TBX19: variants seen among roughly 807,000 people sequenced by gnomAD.
The protein encoded by TBX19 is T-box transcription factor 19.
In TBX19, 33 loss-of-function variants were observed where a neutral mutation model predicts 40.9. That is an observed-to-expected ratio of 0.81 (90% CI 0.61 to 1.08). TBX19 has a LOEUF of 1.08. Among genes scored for constraint, TBX19 ranks in the 50% least tolerant of loss-of-function variants. TBX19 has a pLI of 0.00. For synonymous variants in TBX19, 220 were observed against 225.0 expected (o/e 0.98, Z 0.20); for missense variants, 494 against 574.0 (o/e 0.86, Z 1.42).
chr1:168,312,868 G>A lies in TBX19; in HGVS notation c.1213G>A (p.Val405Met). The A allele has an allele frequency of 6.2e-7, 1 of 1,614,270 alleles. No homozygotes were observed. The highest frequency in any genetic ancestry group is 8.5e-7 in the Non-Finnish European group (1 of 1,180,052). ...CACCCAAGCACCCACTTCGGCTGGT[G>A]TGGAGGTTCTGGGGGAGCCCTCGCT... ...LSTQAPTSAG[V>M]EVLGEPSLTS... Residue 405 changes from valine to methionine, a missense_variant, in exon 8 of 8, where the codon GTG becomes ATG. Physicochemically the swap from Val to Met is conservative, Grantham distance 21. Coordinates refer to ENST00000367821, the MANE Select transcript of TBX19 (RefSeq NM_005149.3).
chr1:168,298,591 A>G (rs908419568), intron 4 of TBX19, among the ~76,000 whole-genome samples: 65 of 151,884 alleles, frequency 4.3e-4, no homozygotes, highest in South Asian at 4.2e-4. Context: ...TGCCATCTCT[A>G]TATCTTTTCT....
rs1186888164 is a variant in TBX19 at position 168,291,185 on chromosome 1, A to G, written c.229A>G (p.Ser77Gly). The G allele has an allele frequency of 6.2e-7, 1 of 1,614,154 alleles. No homozygotes were observed. The highest frequency in any genetic ancestry group is 8.5e-7 in the Non-Finnish European group (1 of 1,180,024). ...ACGGATGTTTCCAGTCCTAAAGATTAGTGTCACAGGGTTGGACCCCAATGC... is the reference window on the plus strand; with the variant it reads ...ACGGATGTTTCCAGTCCTAAAGATTGGTGTCACAGGGTTGGACCCCAATGC... The part of the protein sequence containing the change: ...GRRMFPVLKI[S>G]VTGLDPNAMY... Residue 77 changes from serine to glycine, a missense_variant, in exon 2 of 8, where the codon AGT becomes GGT. Coordinates refer to ENST00000367821, the MANE Select transcript of TBX19 (RefSeq NM_005149.3).
intron 1 of TBX19, among the ~76,000 whole-genome samples, chr1:168,283,644 T>C (rs184404719): frequency 1.6e-4 from 24 of 152,328 alleles, no homozygotes. Context: ...CTATAGACTC[T>C]TTGTGTCTCC....
At chr1:168,295,240 G>A (rs559839410) in intron 3 of TBX19, among the ~76,000 whole-genome samples, 8 of 151,952 alleles carry the variant, frequency 5.3e-5, no homozygotes, top group Non-Finnish European at 1.0e-4. Flanking sequence ...GCAGTGAGCC[G>A]AGATTGCGCC....
rs561329217 is a variant in TBX19 at position 168,303,251 on chromosome 1, C to T, written c.728-1757C>T. On this transcript the variant is annotated intron_variant, in intron 5 of 7. Coordinates refer to ENST00000367821, the MANE Select transcript of TBX19 (RefSeq NM_005149.3). ...GTTCCCCTTCCTGTGTCCATGTGCT[C>T]TCATTGTTCAATTCCCACCTATGAG... Among the ~76,000 whole-genome samples, 651 of 152,232 alleles carry T rather than the reference C, an allele frequency of 4.3e-3. 4 individuals are homozygous for T. The highest frequency in any genetic ancestry group is 0.015 in the African/African-American group (608 of 41,538).
At chr1:168,302,687 C>A (rs1277129834) in intron 5 of TBX19, among the ~76,000 whole-genome samples, 1 of 150,986 alleles carries the variant, frequency 6.6e-6, no homozygotes, top group East Asian at 2.0e-4. Context: ...GGAAAAAAAC[C>A]CCAAAACCAA....
In TBX19 at chr1:168,308,789, C is replaced by T. The variant is rs1236618193; in HGVS notation, c.964C>T (p.Pro322Ser). 1.9e-6 allele frequency: 3 copies of T among 1,613,966 alleles called. No homozygotes were observed. Among genetic ancestry groups the T allele is most frequent in the East Asian group, 2.2e-5 (1 of 44,876 alleles). Residue 322 changes from proline to serine, a missense_variant, in exon 7 of 8, where the codon CCT (proline) becomes TCT (serine). By Grantham distance (74) the Pro-to-Ser change is moderately conservative (BLOSUM62 -1). This residue lies in a region of TBX19 where 284 missense variants were observed against 307.3 expected (regional missense o/e 0.92). Transcript: ENST00000367821. Reference sequence around the variant, plus strand: ...CAATAATCTGCAAGTTTTCTCGGGACCTGACAGCTGGACTTCCTTATCCTC... The same window carrying T: ...CAATAATCTGCAAGTTTTCTCGGGATCTGACAGCTGGACTTCCTTATCCTC... ...SSNNLQVFSG[P>S]DSWTSLSSTP...
intron 1 of TBX19, 50 bp downstream of exon 1, chr1:168,281,343 A>T: frequency 6.4e-7 from 1 of 1,552,344 alleles, no homozygotes; most frequent in Non-Finnish European, 8.9e-7. Context: ...GGCAGGAGAG[A>T]TGAGACCCCT....
At chr1:168,300,325 G>T in intron 4 of TBX19, 97 bp from the exon 5 acceptor site, 1 of 1,124,270 alleles carries the variant, frequency 8.9e-7, no homozygotes. Context: ...CTTATTCTAA[G>T]AAATTGATTG....
At chr1:168,301,635 A>G (rs1458537182) in intron 5 of TBX19, among the ~76,000 whole-genome samples, 2 of 152,208 alleles carry the variant, frequency 1.3e-5, no homozygotes, top group Non-Finnish European at 2.9e-5. Context: ...TAAAAAGTTT[A>G]TTTGGGTCAA....
intron 4 of TBX19, among the ~76,000 whole-genome samples, chr1:168,298,568 C>T (rs1649174737): frequency 1.3e-5 from 2 of 152,124 alleles, no homozygotes; most frequent in Non-Finnish European, 2.9e-5. Context: ...TCTGCTACTT[C>T]GGGGCAGCGA....
chr1:168,307,303 G>A (rs1649424990), intron 6 of TBX19, among the ~76,000 whole-genome samples: 1 of 152,140 alleles, frequency 6.6e-6, no homozygotes, highest in African/African-American at 2.4e-5. Context: ...CCTGGAGGCT[G>A]GGGAGTTTAA....
intron 6 of TBX19, among the ~76,000 whole-genome samples, chr1:168,306,550 C>T (rs771718734): frequency 1.2e-4 from 17 of 139,698 alleles, no homozygotes; most frequent in East Asian, 6.4e-4. Context: ...TGCTTGAATC[C>T]GGGAGGCAGA....
chr1:168,298,226 A>T (rs73035805), intron 4 of TBX19, among the ~76,000 whole-genome samples: 1,641 of 152,298 alleles, frequency 0.011, 22 homozygotes, highest in African/African-American at 0.036. Context: ...TTCAATATTC[A>T]ATTCAATATT....
At chr1:168,310,823 TA>T (rs902447150) in intron 7 of TBX19, among the ~76,000 whole-genome samples, 16 of 146,778 alleles carry the variant, frequency 1.1e-4, no homozygotes, top group East Asian at 1.9e-4. Flanking sequence ...AAATATATAT[TA>T]AAAATATATA....
intron 2 of TBX19, among the ~76,000 whole-genome samples, chr1:168,292,682 G>A (rs1417497320): frequency 1.3e-5 from 2 of 152,030 alleles, no homozygotes; most frequent in African/African-American, 4.8e-5. Context: ...GGCTAATGTG[G>A]TGAAACCCCG....
chr1:168,312,299 A>G (rs1649543862), intron 7 of TBX19, among the ~76,000 whole-genome samples: 2 of 152,226 alleles, frequency 1.3e-5, no homozygotes, highest in Admixed American at 6.5e-5. Context: ...TTTAAACTTA[A>G]GTCTTCTGAC....
At chr1:168,304,269 G>T (rs1275318615) in intron 5 of TBX19, among the ~76,000 whole-genome samples, 1 of 152,208 alleles carries the variant, frequency 6.6e-6, no homozygotes, top group Non-Finnish European at 1.5e-5. Context: ...TTTCAGGGAA[G>T]AAGTGGGGGT....
intron 6 of TBX19, chr1:168,308,362 T>A (rs1649451746): frequency 2.0e-5 from 6 of 305,040 alleles, no homozygotes; most frequent in South Asian, 1.9e-4. Context: ...AAATCTCATC[T>A]GGGGCACTGG....
Sources: gnomAD v4.1 joint callset for allele counts (sites outside exome capture counted in the v4.1 genomes callset) on GRCh38, gnomAD v4.1.1 for gene constraint, gnomAD v4.1.1 regional missense constraint, MANE v1.5 for transcripts, NCBI Gene and HGNC (gene_info 2026-07-23, HGNC 2026-07-21) for gene names.